The following RGS7 variants were observed in gnomAD, a reference collection of about 807,000 sequenced individuals.
The protein encoded by RGS7 is regulator of G-protein signaling 7.
RGS7 carries 27 observed loss-of-function variants against 81.1 expected under a neutral mutation model. That is an observed-to-expected ratio of 0.33 (90% confidence interval 0.25 to 0.46). The LOEUF (loss-of-function observed/expected upper bound fraction) is 0.46. RGS7 is among the 20% of genes least tolerant of loss of function. The probability of loss-of-function intolerance (pLI) is 1.00; values close to 1 mark genes in which losing one functional copy is unlikely to be tolerated. For synonymous variants in RGS7, 208 were observed against 207.7 expected (o/e 1.00, Z -0.01); for missense variants, 396 against 607.4 (o/e 0.65, Z 3.66).
chr1:241,321,352 G>GT (rs557633011), intron 2 of RGS7, among the ~76,000 whole-genome samples: 66 of 152,068 alleles, frequency 4.3e-4, no homozygotes, highest in Non-Finnish European at 8.8e-4. Context: ...AGCACAAGCA[G>GT]TTTTTTTTAT....
At position 240,825,621 on chromosome 1, in the gene RGS7, C is replaced by T. The variant is rs72754888; in HGVS notation, c.684+1477G>A. Reference sequence around the variant, plus strand: ...CACAAGAAATTAGATGTTATCGAGACAAAGAGAGCTAGATCTCAATGACTC... The same window carrying T: ...CACAAGAAATTAGATGTTATCGAGATAAAGAGAGCTAGATCTCAATGACTC... On this transcript the variant is annotated intron_variant, in intron 10 of 18. Coordinates refer to ENST00000440928, the MANE Select transcript of RGS7 (RefSeq NM_001364886.1). Among the ~76,000 whole-genome samples, 783 of 152,276 alleles carry T rather than the reference C, an allele frequency of 5.1e-3. 4 individuals are homozygous for T. The highest frequency in any genetic ancestry group is 7.7e-3 in the Non-Finnish European group (522 of 68,024).
At chr1:241,028,343 G>C (rs758900616) in intron 3 of RGS7, among the ~76,000 whole-genome samples, 2 of 152,138 alleles carry the variant, frequency 1.3e-5, no homozygotes, top group Non-Finnish European at 2.9e-5. Context: ...TGTCTGCTAG[G>C]AAAGAGTTTG....
intron 2 of RGS7, among the ~76,000 whole-genome samples, chr1:241,102,201 A>G (rs1355113151): frequency 6.6e-6 from 1 of 152,192 alleles, no homozygotes; most frequent in African/African-American, 2.4e-5. Context: ...AAACAAACAA[A>G]AGAAAACAAC....
intron 2 of RGS7, among the ~76,000 whole-genome samples, chr1:241,342,427 T>C (rs2082620567): frequency 6.6e-6 from 1 of 152,166 alleles, no homozygotes; most frequent in Non-Finnish European, 1.5e-5. Flanking sequence ...GGTCAAATGG[T>C]GCTACAAGAA....
rs751484277 is a variant in RGS7 at position 240,930,678 on chromosome 1, C to T, written c.385+39G>A. On this transcript the variant is annotated intron_variant, in intron 6 of 18. Coordinates refer to ENST00000440928, the MANE Select transcript of RGS7 (RefSeq NM_001364886.1). ...GCAAGTACACATCCATCTACACATA[C>T]AGGCTGTCAATAATAAAATAATGAG... 5.7e-6 allele frequency: 9 copies of T among 1,586,090 alleles called. No homozygotes were observed. The East Asian group carries it at 1.8e-4, about 32-fold the overall frequency.
intron 4 of RGS7, among the ~76,000 whole-genome samples, chr1:240,947,915 C>A (rs1180967210): frequency 1.3e-5 from 2 of 152,174 alleles, no homozygotes; most frequent in Non-Finnish European, 2.9e-5. Flanking sequence ...AGTTCACAGA[C>A]CTCCTTGTTG....
chr1:240,776,987 G>T (rs895479870), intron 18 of RGS7, among the ~76,000 whole-genome samples: 3 of 152,148 alleles, frequency 2.0e-5, no homozygotes, highest in Non-Finnish European at 4.4e-5. Context: ...TTAATCACAA[G>T]TACTCTAGAG....
intron 3 of RGS7, among the ~76,000 whole-genome samples, chr1:241,016,295 T>A (rs1042155354): frequency 5.3e-5 from 8 of 152,052 alleles, no homozygotes; most frequent in African/African-American, 9.7e-5. Flanking sequence ...CAAGGTGGTC[T>A]GATTATGAGG....
chr1:241,306,971 G>A (rs1031055317), intron 2 of RGS7, among the ~76,000 whole-genome samples: 1 of 152,240 alleles, frequency 6.6e-6, no homozygotes, highest in Non-Finnish European at 1.5e-5. Flanking sequence ...GTTTGCAAGG[G>A]AGAAAGAGTG....
intron 2 of RGS7, among the ~76,000 whole-genome samples, chr1:241,290,975 C>T (rs572719345): frequency 6.6e-6 from 1 of 152,312 alleles, no homozygotes; most frequent in Admixed American, 6.5e-5. Flanking sequence ...GTCAGGCACA[C>T]AGCCTATTGC....
chr1:240,854,235 G>A (rs532038179), intron 9 of RGS7, among the ~76,000 whole-genome samples: 3 of 152,156 alleles, frequency 2.0e-5, no homozygotes, highest in African/African-American at 7.2e-5. Context: ...GGGAAAAGAC[G>A]GTCTACCAAG....
At chr1:240,993,101 G>GGGAA (rs1686722595) in intron 3 of RGS7, among the ~76,000 whole-genome samples, 1 of 112,978 alleles carries the variant, frequency 8.9e-6, no homozygotes, top group Non-Finnish European at 2.0e-5. Context: ...GAAGGAGGGA[G>GGGAA]GGAGGGAGGG....
intron 3 of RGS7, among the ~76,000 whole-genome samples, chr1:241,018,028 A>G (rs887526023): frequency 3.3e-5 from 5 of 151,518 alleles, no homozygotes; most frequent in Non-Finnish European, 5.9e-5. Flanking sequence ...GTGCAGTGGC[A>G]TGATCTCAGC....
At position 241,144,926 on chromosome 1, in the gene RGS7, G is replaced by GGGGTGTGTGTGTGTGTGTGT. The variant is rs2068191841; in HGVS notation, c.79-46165_79-46164insACACACACACACACACACCC. Among the ~76,000 whole-genome samples, 1 of 141,904 alleles carries GGGGTGTGTGTGTGTGTGTGT rather than the reference G, an allele frequency of 7.0e-6. No individual in the cohort carries two copies. The highest frequency in any genetic ancestry group is 2.7e-5 in the African/African-American group (1 of 37,322). 93.1% of individuals were successfully genotyped at this position (141,904 alleles called of 152,430 possible). A position where few individuals can be genotyped will look rare whatever the true frequency, so the allele number is the denominator to read the frequency against. The stretch of plus-strand genomic sequence containing the variant: ...TCAGTATGTGTTGGCAGGGCAGGAT[G>GGGGTGTGTGTGTGTGTGTGT]GTGTGTGTGTGTGTGTGTGTGTGTG... On this transcript the variant is annotated intron_variant, in intron 2 of 18. Transcript: ENST00000440928. The surrounding 1 kb of genome is among the most constrained non-coding windows in gnomAD (Gnocchi z 4.7).
At chr1:241,313,467 C>T (rs1015956451) in intron 2 of RGS7, among the ~76,000 whole-genome samples, 8 of 152,154 alleles carry the variant, frequency 5.3e-5, no homozygotes, top group African/African-American at 1.9e-4. Context: ...TATGCTAAAT[C>T]CACTCTGCCT....
intron 3 of RGS7, among the ~76,000 whole-genome samples, chr1:241,003,173 C>T (rs2058500244): frequency 6.6e-6 from 1 of 152,110 alleles, no homozygotes; most frequent in African/African-American, 2.4e-5. Flanking sequence ...AAAAAAAGTG[C>T]TGTGCCAGCC....
intron 3 of RGS7, among the ~76,000 whole-genome samples, chr1:241,078,301 CTG>C (rs71568986): frequency 0.11 from 14,035 of 129,964 alleles, 858 homozygotes; most frequent in African/African-American, 0.2. Flanking sequence ...CTTCTGGTCT[CTG>C]TGTGTGTGTG....
chr1:240,869,425 G>C (rs1664072700), intron 7 of RGS7, among the ~76,000 whole-genome samples: 1 of 152,160 alleles, frequency 6.6e-6, no homozygotes, highest in African/African-American at 2.4e-5. Flanking sequence ...CAGGGTAAAT[G>C]GTCTTTAATC....
At chr1:240,842,631 G>C (rs1035652496) in intron 9 of RGS7, among the ~76,000 whole-genome samples, 11 of 17,602 alleles carry the variant, frequency 6.2e-4, no homozygotes, top group Admixed American at 1.9e-3. Flanking sequence ...AAGCATTTTG[G>C]GGGGGGAATA....
Sources: gnomAD v4.1 joint callset for allele counts (sites outside exome capture counted in the v4.1 genomes callset) on GRCh38, gnomAD v4.1.1 for gene constraint, Gnocchi (gnomAD v3.1) non-coding constraint, MANE v1.5 for transcripts, NCBI Gene and HGNC (gene_info 2026-07-23, HGNC 2026-07-21) for gene names.